CAPS2: variants seen among roughly 807,000 people sequenced by gnomAD.
CAPS2 encodes the protein calcyphosin-2.
A neutral mutation model predicts 86.5 loss-of-function variants in CAPS2; 98 were observed. The ratio of observed to expected loss-of-function variants is 1.13; its 90% CI spans 0.96 to 1.34. CAPS2 has a LOEUF of 1.34. Ranked by LOEUF, CAPS2 falls within the 40% of genes most tolerant of loss-of-function variation. The pLI is 0.00. For missense variants in CAPS2, 729 were observed against 686.8 expected, an observed-to-expected ratio of 1.06 and a Z score of -0.69; for synonymous variants, 210 against 225.1, an observed-to-expected ratio of 0.93 and a Z score of 0.60.
rs548836732 is a variant in CAPS2 at position 75,384,984 on chromosome 12, T to C, written c.-395+5854A>G. On this transcript the variant is annotated intron_variant, in intron 1 of 5. Transcript: ENST00000551829. ...ATACATTCATAGATTAATGGATTAA[T>C]AGGATAATAAGTTAATGGATTAATG... Among the ~76,000 whole-genome samples, 5 of 152,312 alleles carry C rather than the reference T, an allele frequency of 3.3e-5. No individual in the cohort carries two copies. The South Asian group carries it at 1.0e-3, about 32-fold the overall frequency.
chr12:75,354,114 T>C (rs1259163422), intron 1 of CAPS2, among the ~76,000 whole-genome samples: 1 of 134,898 alleles, frequency 7.4e-6, no homozygotes, highest in Non-Finnish European at 1.5e-5. Context: ...ACCACTTCTA[T>C]TCAACATAGT....
chr12:75,337,776 CTAA>C (rs932928968), intron 1 of CAPS2, among the ~76,000 whole-genome samples: 1 of 151,944 alleles, frequency 6.6e-6, no homozygotes, highest in Non-Finnish European at 1.5e-5. Flanking sequence ...TGAACTTTGC[CTAA>C]TAAAAGTATT....
intron 5 of CAPS2, among the ~76,000 whole-genome samples, chr12:75,318,359 C>A (rs1322516013): frequency 1.3e-5 from 2 of 152,072 alleles, no homozygotes; most frequent in Non-Finnish European, 2.9e-5. Context: ...TATCTTTGTC[C>A]TATTCTCAAT....
intron 4 of CAPS2, among the ~76,000 whole-genome samples, chr12:75,322,137 A>G (rs2040362616): frequency 6.6e-6 from 1 of 152,160 alleles, no homozygotes; most frequent in Admixed American, 6.6e-5. Context: ...AATATTTTGA[A>G]CCATTTTGCT....
intron 1 of CAPS2, among the ~76,000 whole-genome samples, chr12:75,374,531 T>C (rs1344571774): frequency 6.6e-6 from 1 of 152,220 alleles, no homozygotes. Context: ...TCCCCTCGCA[T>C]GCAAATATCT....
At chr12:75,367,773 A>C (rs1362399007) in intron 1 of CAPS2, among the ~76,000 whole-genome samples, 6 of 152,092 alleles carry the variant, frequency 3.9e-5, no homozygotes, top group African/African-American at 1.4e-4. Flanking sequence ...TCTTTCTTCT[A>C]ATCTTTATAT....
At position 75,291,188 on chromosome 12, in the gene CAPS2, T is replaced by A. The variant is rs1226811221; in HGVS notation, c.1240+556A>T. On this transcript the variant is annotated intron_variant, in intron 13 of 16. Transcript: ENST00000393284. The stretch of plus-strand genomic sequence containing the variant: ...GATGAAGAAAGAGATGCAAGAGATT[T>A]CTCTAAAGTCATGTGTGTCTTGCAC... Among the ~76,000 whole-genome samples the A allele has an allele frequency of 2.6e-5, 4 of 151,794 alleles. No individual in the cohort carries two copies. In the South Asian group the frequency reaches 8.3e-4, roughly 32 times the overall value.
At chr12:75,334,458 A>G (rs2041565513), upstream of CAPS2, 5 of 1,263,950 alleles carry the variant, frequency 4.0e-6, no homozygotes, top group Non-Finnish European at 5.0e-6. Context: ...GATTGGATCC[A>G]CAGAAAGCAG....
chr12:75,331,101 T>G (rs951891913), upstream of CAPS2, among the ~76,000 whole-genome samples: 2 of 152,068 alleles, frequency 1.3e-5, no homozygotes, highest in Non-Finnish European at 2.9e-5. Context: ...TTTTTATGTA[T>G]GCTCTGTACA....
intron 1 of CAPS2, among the ~76,000 whole-genome samples, chr12:75,386,964 G>A (rs1418729882): frequency 6.6e-6 from 1 of 152,072 alleles, no homozygotes; most frequent in African/African-American, 2.4e-5. Flanking sequence ...CTCCCAGAAG[G>A]TTATATAAGA....
At chr12:75,315,024 A>C (rs2039614777) in intron 6 of CAPS2, among the ~76,000 whole-genome samples, 1 of 152,226 alleles carries the variant, frequency 6.6e-6, no homozygotes, top group African/African-American at 2.4e-5. Flanking sequence ...AGAAGTTTTC[A>C]CCTACATTTT....
intron 7 of CAPS2, chr12:75,305,944 C>G: frequency 8.8e-7 from 1 of 1,131,644 alleles, no homozygotes; most frequent in East Asian, 2.4e-5. Flanking sequence ...AGCGCTGGAG[C>G]CCGAGGAGCA....
intron 7 of CAPS2, among the ~76,000 whole-genome samples, chr12:75,306,955 T>C (rs940696772): frequency 1.1e-4 from 16 of 151,842 alleles, no homozygotes; most frequent in African/African-American, 3.9e-4. Flanking sequence ...TGACTACAAG[T>C]TAGCACTCAG....
chr12:75,372,671 C>G (rs146208526), intron 1 of CAPS2, among the ~76,000 whole-genome samples: 106 of 152,274 alleles, frequency 7.0e-4, no homozygotes, highest in African/African-American at 2.4e-3. Context: ...TACATAGCTT[C>G]TGAAGAACTT....
chr12:75,355,412 C>T lies in CAPS2; in HGVS notation c.-394-32190G>A, dbSNP rs566275736. Among the ~76,000 whole-genome samples, 62 of 152,254 alleles carry T rather than the reference C, an allele frequency of 4.1e-4. No individual in the cohort carries two copies. In the Middle Eastern group the frequency reaches 0.02, roughly 50 times the overall value. On this transcript the variant is annotated intron_variant, in intron 1 of 5. Transcript: ENST00000551829. ...TCATTAGAGAAATGCAAATCAAAAT[C>T]GCAGTTAGATACCATCTCATGCCAG...
exon 5 of CAPS2, chr12:75,321,445 T>C (rs933373670): frequency 3.2e-6 from 5 of 1,548,038 alleles, no homozygotes; most frequent in Non-Finnish European, 4.4e-6. Flanking sequence ...GTGTAACATT[T>C]GATTTTGTAT....
At chr12:75,325,363 A>C in intron 1 of CAPS2, 75 bp from the exon 3 acceptor site, 1 of 1,049,068 alleles carries the variant, frequency 9.5e-7, no homozygotes, top group Non-Finnish European at 1.4e-6. Context: ...GATACACAAT[A>C]AGTCAATGCA....
chr12:75,282,340 A>G (rs1452357569), exon 16 of CAPS2: 1 of 1,586,194 alleles, frequency 6.3e-7, no homozygotes, highest in Admixed American at 1.7e-5. Flanking sequence ...ATCCAGTTTC[A>G]TAAAGGCCTA....
chr12:75,369,952 T>C (rs2044249198), intron 1 of CAPS2: 3 of 1,134,834 alleles, frequency 2.6e-6, no homozygotes, highest in Non-Finnish European at 2.4e-6. Flanking sequence ...CTTTAATTTT[T>C]ACTTTAGGGA....
Sources: allele counts gnomAD v4.1 joint callset (sites outside exome capture counted in the v4.1 genomes callset), GRCh38; gene constraint gnomAD v4.1.1; transcripts MANE v1.5; gene names NCBI Gene and HGNC (gene_info 2026-07-23, HGNC 2026-07-21).